The following USP6NL variants were observed in gnomAD, a reference collection of about 807,000 sequenced individuals.
USP6NL encodes USP6 N-terminal-like protein.
Under a neutral mutation model 61.9 loss-of-function variants are expected in USP6NL, and 26 were observed. The ratio of observed to expected loss-of-function variants is 0.42; its 90% CI spans 0.31 to 0.58. The LOEUF (loss-of-function observed/expected upper bound fraction) is 0.58, where lower values mean the gene tolerates loss of function less well. Among genes scored for constraint, USP6NL ranks in the 20% least tolerant of loss-of-function variants. The probability of loss-of-function intolerance (pLI) is 0.16; values close to 1 mark genes in which losing one functional copy is unlikely to be tolerated. For synonymous variants in USP6NL, 432 were observed against 390.1 expected (o/e 1.11, Z -1.27); for missense variants, 1,114 against 1,034.3 (o/e 1.08, Z -1.06).
Position 11,611,070 on chromosome 10 carries a change from GC to G in USP6NL, c.-84+372del, listed in dbSNP as rs1838874484. Among the ~76,000 whole-genome samples the G allele has an allele frequency of 1.3e-5, 2 of 152,306 alleles. No homozygotes were observed. The highest frequency in any genetic ancestry group is 4.8e-5 in the African/African-American group (2 of 41,576). On this transcript the variant is annotated intron_variant, in intron 1 of 14. Coordinates refer to ENST00000609104, the MANE Select transcript of USP6NL (RefSeq NM_014688.5). This position sits in a 1 kb window ranked among gnomAD's most constrained non-coding sequence, Gnocchi z 5.3. ...AAGGCACGAAGTTTGCCCGGGTCCT[GC>G]CCACTGGGGCTCGGGAGACGCGACC...
At chr10:11,512,446 T>C (rs1834762169) in intron 5 of USP6NL, among the ~76,000 whole-genome samples, 1 of 152,192 alleles carries the variant, frequency 6.6e-6, no homozygotes, top group Admixed American at 6.5e-5. Flanking sequence ...GCTGGGATCC[T>C]TGTCTTCACT....
intron 7 of USP6NL, among the ~76,000 whole-genome samples, chr10:11,494,367 C>G (rs1270155050): frequency 6.6e-6 from 1 of 152,150 alleles, no homozygotes; most frequent in African/African-American, 2.4e-5. Flanking sequence ...AAAACTCCTA[C>G]CCAAATCTTT....
intron 14 of USP6NL, among the ~76,000 whole-genome samples, chr10:11,467,478 T>C (rs1305665727): frequency 6.6e-6 from 1 of 152,220 alleles, no homozygotes; most frequent in East Asian, 1.9e-4. Flanking sequence ...AAATATTTGC[T>C]ATAAGGATGT....
rs1336185790 is a variant in USP6NL at position 11,494,524 on chromosome 10, G to T, written c.385-1296C>A. Among the ~76,000 whole-genome samples, 4 of 152,314 alleles carry T rather than the reference G, an allele frequency of 2.6e-5. No individual in the cohort carries two copies. The East Asian group carries it at 7.7e-4, about 29-fold the overall frequency. On this transcript the variant is annotated intron_variant, in intron 7 of 14. Transcript: ENST00000609104. ...AAAGACACAAGACAAAGAGATAAAAGAAAAGACAGCTGGGCCCAGGGGACC... is the reference window on the plus strand; with the variant it reads ...AAAGACACAAGACAAAGAGATAAAATAAAAGACAGCTGGGCCCAGGGGACC...
At chr10:11,486,026 G>A in intron 10 of USP6NL, 115 bp from the exon 11 acceptor site, 1 of 719,476 alleles carries the variant, frequency 1.4e-6, no homozygotes, top group Non-Finnish European at 2.1e-6. Context: ...ACATTCAGTA[G>A]TTACCAAAAT....
chr10:11,518,856 G>A lies in USP6NL; in HGVS notation c.156-282C>T, dbSNP rs1835080802. On this transcript the variant is annotated intron_variant, in intron 4 of 14. Coordinates refer to ENST00000609104, the MANE Select transcript of USP6NL (RefSeq NM_014688.5). The surrounding 1 kb of genome is among the most constrained non-coding windows in gnomAD (Gnocchi z 5.3). ...AAAATTTAATTTAGTTTAACACTGAGTTAGTCTCACTAGGCACAGTTCAAG... is the reference window on the plus strand; with the variant it reads ...AAAATTTAATTTAGTTTAACACTGAATTAGTCTCACTAGGCACAGTTCAAG... Among the ~76,000 whole-genome samples the A allele has an allele frequency of 6.6e-6, 1 of 152,164 alleles. No homozygotes were observed. Among genetic ancestry groups the A allele is most frequent in the South Asian group, 2.1e-4 (1 of 4,828 alleles).
chr10:11,556,653 A>G (rs1836717122), intron 2 of USP6NL, among the ~76,000 whole-genome samples: 1 of 152,228 alleles, frequency 6.6e-6, no homozygotes, highest in African/African-American at 2.4e-5. Context: ...AAGCCGACTT[A>G]GGCAATAATC....
chr10:11,536,775 T>G (rs1007899965), intron 2 of USP6NL, among the ~76,000 whole-genome samples: 16 of 152,194 alleles, frequency 1.1e-4, no homozygotes, highest in Admixed American at 5.2e-4. Flanking sequence ...AATTCCACAT[T>G]AAACAAATGC....
intron 2 of USP6NL, among the ~76,000 whole-genome samples, chr10:11,568,302 G>C (rs1837240216): frequency 6.6e-6 from 1 of 152,154 alleles, no homozygotes; most frequent in African/African-American, 2.4e-5. Flanking sequence ...GAATGTCAAT[G>C]CTCTGTAAGA....
rs1172406153 is a variant in USP6NL, at chr10:11,602,046, TATATACATAC to T, written c.-83-4339_-83-4330del. Among the ~76,000 whole-genome samples the T allele has an allele frequency of 1.4e-4, 22 of 152,182 alleles. No individual in the cohort carries two copies. The highest frequency in any genetic ancestry group is 5.2e-4 in the Admixed American group (8 of 15,274). On this transcript the variant is annotated intron_variant, in intron 1 of 14. Transcript: ENST00000609104. The surrounding 1 kb of genome is among the most constrained non-coding windows in gnomAD (Gnocchi z 4.8). ...TGATGTATTATTTGTAATAGCAATA[TATATACATAC>T]ATATACATACATATACACACACACA...
Position 11,489,553 on chromosome 10 carries a change from T to C in USP6NL, c.544-331A>G, listed in dbSNP as rs757154527. Among the ~76,000 whole-genome samples, 8 of 152,340 alleles carry C rather than the reference T, an allele frequency of 5.3e-5. No individual in the cohort carries two copies. Among genetic ancestry groups the C allele is most frequent in the African/African-American group, 1.7e-4 (7 of 41,586 alleles). On this transcript the variant is annotated intron_variant, in intron 9 of 14. Coordinates refer to ENST00000609104, the MANE Select transcript of USP6NL (RefSeq NM_014688.5). The surrounding 1 kb of genome is among the most constrained non-coding windows in gnomAD (Gnocchi z 5.7). ...CTCACTATTCCTCTTCTTTGCTCAG[T>C]TGCTGGCAAAGTCTCCCCTTCTACA...
chr10:11,607,550 G>C (rs1311805634), intron 1 of USP6NL, among the ~76,000 whole-genome samples: 1 of 152,176 alleles, frequency 6.6e-6, no homozygotes, highest in Admixed American at 6.5e-5. Flanking sequence ...GCTGGGCATG[G>C]TGGCACATGC....
At chr10:11,546,021 T>C (rs1055257774) in intron 2 of USP6NL, among the ~76,000 whole-genome samples, 2 of 152,242 alleles carry the variant, frequency 1.3e-5, no homozygotes, top group Non-Finnish European at 1.5e-5. Context: ...ATTACTTTAA[T>C]TGACGATTTT....
At position 11,503,511 on chromosome 10, in the gene USP6NL, C is replaced by T. The variant is rs34211801; in HGVS notation, c.277-2303G>A. Among the ~76,000 whole-genome samples, 1,125 of 152,182 alleles carry T rather than the reference C, an allele frequency of 7.4e-3. 3 individuals carry two copies. Among genetic ancestry groups the T allele is most frequent in the South Asian group, 0.012 (57 of 4,820 alleles). ...AAAATTAATGGTCCCCATACTAGTA[C>T]AGAGCTAAAATTAAAAATCAGGTAC... On this transcript the variant is annotated intron_variant, in intron 6 of 14. Transcript: ENST00000609104.
intron 7 of USP6NL, among the ~76,000 whole-genome samples, chr10:11,497,773 C>T (rs891369851): frequency 6.6e-6 from 1 of 152,154 alleles, no homozygotes; most frequent in Non-Finnish European, 1.5e-5. Context: ...ATATTTTTTA[C>T]TCCTGAATGA....
intron 2 of USP6NL, among the ~76,000 whole-genome samples, chr10:11,584,790 T>G (rs1468155264): frequency 6.6e-6 from 1 of 151,850 alleles, no homozygotes; most frequent in Admixed American, 6.6e-5. Flanking sequence ...ATACAAAAAT[T>G]GGCCAGGCGT....
chr10:11,581,048 T>C (rs538813087), intron 2 of USP6NL, among the ~76,000 whole-genome samples: 1 of 152,324 alleles, frequency 6.6e-6, no homozygotes, highest in South Asian at 2.1e-4. Flanking sequence ...ACCAACACCC[T>C]AGACTCTTAA....
intron 14 of USP6NL, among the ~76,000 whole-genome samples, chr10:11,480,177 T>C (rs1320129109): frequency 6.6e-6 from 1 of 152,188 alleles, no homozygotes; most frequent in East Asian, 1.9e-4. Flanking sequence ...GCTACTAGGT[T>C]TCCCTATCTG....
intron 13 of USP6NL, among the ~76,000 whole-genome samples, chr10:11,484,066 T>C (rs1435122344): frequency 6.6e-6 from 1 of 152,200 alleles, no homozygotes. Flanking sequence ...CAAGACCCTG[T>C]GCACTCAATT....
Sources: gnomAD v4.1 joint callset for allele counts (sites outside exome capture counted in the v4.1 genomes callset) on GRCh38, gnomAD v4.1.1 for gene constraint, Gnocchi (gnomAD v3.1) non-coding constraint, MANE v1.5 for transcripts, NCBI Gene and HGNC (gene_info 2026-07-23, HGNC 2026-07-21) for gene names.